The following PRPF8 variants were observed in gnomAD, a reference collection of about 807,000 sequenced individuals.
The protein encoded by PRPF8 is pre-mRNA-processing-splicing factor 8.
PRPF8 carries 64 observed loss-of-function variants against 285.9 expected under a neutral mutation model. The ratio of observed to expected loss-of-function variants is 0.22; its 90% CI spans 0.18 to 0.28. The LOEUF (loss-of-function observed/expected upper bound fraction) is 0.28. Among genes scored for constraint, PRPF8 ranks in the 10% least tolerant of loss-of-function variants. The pLI, the probability that PRPF8 is intolerant of heterozygous loss-of-function variation, is 1.00. For missense variants in PRPF8, 1,426 were observed against 3,026.7 expected, an observed-to-expected ratio of 0.47 and a Z score of 12.41; for synonymous variants, 1,325 against 1,118.2, an observed-to-expected ratio of 1.18 and a Z score of -3.69.
intron 24 of PRPF8, among the ~76,000 whole-genome samples, chr17:1,672,109 T>C (rs1394625717): frequency 6.6e-6 from 1 of 152,196 alleles, no homozygotes; most frequent in African/African-American, 2.4e-5. Flanking sequence ...TCAACCGTAA[T>C]GCAATAGTTC....
intron 12 of PRPF8, 31 bp downstream of exon 12, chr17:1,678,731 C>A: frequency 2.5e-6 from 4 of 1,614,106 alleles, no homozygotes; most frequent in Non-Finnish European, 3.4e-6. Context: ...GCGTCCTCAC[C>A]CAGGCAGGGG....
In PRPF8 at chr17:1,651,982, A is replaced by AC. The variant is rs535616618; in HGVS notation, c.6370-195dup. The AC allele has an allele frequency of 8.8e-5, 62 of 704,358 alleles. No individual in the cohort carries two copies. The highest frequency in any genetic ancestry group is 1.4e-4 in the Non-Finnish European group (58 of 405,284). The allele number at this position is 704,358 out of a possible 1,614,324, so 43.6% of individuals were successfully genotyped here. A position where few individuals can be genotyped will look rare whatever the true frequency, so the allele number is the denominator to read the frequency against. ...ACATGGACCTCATCGCGGACTTACC[A>AC]CATCAGAATCTCCTGAGTGGGGTCC... On this transcript the variant is annotated intron_variant, in intron 39 of 42. Coordinates refer to ENST00000304992, the MANE Select transcript of PRPF8 (RefSeq NM_006445.4). This position sits in a 1 kb window ranked among gnomAD's most constrained non-coding sequence, Gnocchi z 5.1.
At chr17:1,684,308 T>G (rs1284814528) in intron 2 of PRPF8, among the ~76,000 whole-genome samples, 164 bp downstream of exon 2, 1 of 152,236 alleles carries the variant, frequency 6.6e-6, no homozygotes, top group Non-Finnish European at 1.5e-5. Context: ...GATCAGCGCT[T>G]GCAAATAATA....
intron 34 of PRPF8, 89 bp from the exon 35 acceptor site, chr17:1,656,850 A>C: frequency 8.6e-7 from 1 of 1,164,812 alleles, no homozygotes; most frequent in Non-Finnish European, 1.2e-6. Flanking sequence ...AAATAATCCA[A>C]CTACGTTTCT....
chr17:1,670,323 G>A lies in PRPF8; in HGVS notation c.3774+2758C>T, dbSNP rs1038426061. Among the ~76,000 whole-genome samples the A allele has an allele frequency of 4.6e-5, 7 of 152,096 alleles. No homozygotes were observed. The East Asian group carries it at 7.7e-4, about 17-fold the overall frequency. ...TGTTCATGTGGTCTTCCAGTTGGTG[G>A]CACTAACACCCACCTAGTCACCCAT... On this transcript the variant is annotated intron_variant, in intron 24 of 42. Transcript: ENST00000304992.
At chr17:1,665,991 G>A (rs977670782) in intron 24 of PRPF8, among the ~76,000 whole-genome samples, 1 of 34,596 alleles carries the variant, frequency 2.9e-5, no homozygotes, top group Non-Finnish European at 4.4e-5. Flanking sequence ...GTGAAACCGC[G>A]TCGTAGTAAA....
Position 1,659,536 on chromosome 17 carries a change from G to A in PRPF8, c.4959C>T (p.Asp1653=). 2 of 1,614,050 alleles carry A rather than the reference G, an allele frequency of 1.2e-6. No homozygotes were observed. Among genetic ancestry groups the A allele is most frequent in the Non-Finnish European group, 1.7e-6 (2 of 1,180,010 alleles). ...SLLADSKDVM[D]STTTQKYWID... The stretch of plus-strand genomic sequence containing the variant: ...TCCAGTATTTCTGGGTGGTGGTGCT[G>A]TCCATCACATCCCTGAGGATGAAGA... The change falls in exon 32 of 43, where the codon GAC becomes GAT. Residue 1653 remains aspartate, a synonymous_variant. Transcript: ENST00000304992. The surrounding 1 kb of genome is among the most constrained non-coding windows in gnomAD (Gnocchi z 5.1).
intron 24 of PRPF8, among the ~76,000 whole-genome samples, chr17:1,665,679 T>A (rs770831063): frequency 1.4e-4 from 21 of 151,544 alleles, no homozygotes; most frequent in Admixed American, 1.3e-3. Flanking sequence ...CTGTCTCTAC[T>A]AAAAACACAC....
intron 3 of PRPF8, 38 bp from the exon 4 acceptor site, chr17:1,682,331 C>T (rs754952052): frequency 2.5e-6 from 4 of 1,604,716 alleles, no homozygotes; most frequent in East Asian, 2.2e-5. Context: ...TCAGAAATGA[C>T]GAGGTGTTCT....
chr17:1,659,401 G>A lies in PRPF8; in HGVS notation c.5094C>T (p.Pro1698=). The A allele has an allele frequency of 1.2e-6, 2 of 1,614,108 alleles. No individual in the cohort carries two copies. The highest frequency in any genetic ancestry group is 1.7e-6 in the Non-Finnish European group (2 of 1,180,030). Residue 1698 remains proline, a synonymous_variant, in exon 32 of 43, where the codon CCC becomes CCT. Transcript: ENST00000304992. The surrounding 1 kb of genome is among the most constrained non-coding windows in gnomAD (Gnocchi z 5.1). ...GGTCAATGGCGATGAGTACACCTGTGGGCGAAGGGTAGATACTCATGTTGT... is the reference window on the plus strand; with the variant it reads ...GGTCAATGGCGATGAGTACACCTGTAGGCGAAGGGTAGATACTCATGTTGT... ...TTDNMSIYPS[P]TGVLIAIDLA...
At chr17:1,657,510 G>A (rs368046130) in intron 34 of PRPF8, among the ~76,000 whole-genome samples, 7 of 151,774 alleles carry the variant, frequency 4.6e-5, no homozygotes, top group South Asian at 2.1e-4. Context: ...GCCGGGCGTG[G>A]TGGCGGGCAC....
intron 8 of PRPF8, among the ~76,000 whole-genome samples, chr17:1,680,011 C>A (rs1912819569): frequency 6.6e-6 from 1 of 152,146 alleles, no homozygotes; most frequent in African/African-American, 2.4e-5. Flanking sequence ...ACTTCTCACA[C>A]CTCAACTGGC....
intron 5 of PRPF8, 26 bp downstream of exon 5, chr17:1,681,794 G>C (rs200057106): frequency 6.2e-7 from 1 of 1,612,680 alleles, no homozygotes; most frequent in Non-Finnish European, 8.5e-7. Flanking sequence ...CTCCTCCCAG[G>C]TGTAGTATCT....
In PRPF8 at chr17:1,659,739, T is replaced by G; in HGVS notation, c.4946+102A>C. ...TCCAAGCGTAGCACTGGCTCCAAGT[T>G]TGAAACAAAGGCAGACAGGACAATT... On this transcript the variant is annotated intron_variant, in intron 31 of 42. Coordinates refer to ENST00000304992, the MANE Select transcript of PRPF8 (RefSeq NM_006445.4). The surrounding 1 kb of genome is among the most constrained non-coding windows in gnomAD (Gnocchi z 5.1). 1.3e-6 allele frequency: 2 copies of G among 1,487,020 alleles called. No individual in the cohort carries two copies. Among genetic ancestry groups the G allele is most frequent in the South Asian group, 1.2e-5 (1 of 84,942 alleles). 92.1% of individuals were successfully genotyped at this position (1,487,020 alleles called of 1,614,324 possible).
At position 1,673,031 on chromosome 17, in the gene PRPF8, G is replaced by A. The variant is rs749147561; in HGVS notation, c.3774+50C>T. The A allele has an allele frequency of 3.3e-6, 5 of 1,524,006 alleles. No individual in the cohort carries two copies. The highest frequency in any genetic ancestry group is 2.7e-5 in the African/African-American group (2 of 73,320). 94.4% of individuals were successfully genotyped at this position (1,524,006 alleles called of 1,614,324 possible). On this transcript the variant is annotated intron_variant, in intron 24 of 42. Coordinates refer to ENST00000304992, the MANE Select transcript of PRPF8 (RefSeq NM_006445.4). This position sits in a 1 kb window ranked among gnomAD's most constrained non-coding sequence, Gnocchi z 5.5. ...ACGAAGTGAAAGGGGTGTGAAATGA[G>A]CAGAGGACAGCAGAGGACAAGAGGG...
rs528749357 is a variant in PRPF8 at position 1,672,237 on chromosome 17, C to T, written c.3774+844G>A. ...TCGGAATGCAAGAAAAATGTTATAGCTAAGAGTTACTCTAATGGAAACCAG... is the reference window on the plus strand; with the variant it reads ...TCGGAATGCAAGAAAAATGTTATAGTTAAGAGTTACTCTAATGGAAACCAG... On this transcript the variant is annotated intron_variant, in intron 24 of 42. Coordinates refer to ENST00000304992, the MANE Select transcript of PRPF8 (RefSeq NM_006445.4). 9.2e-5 allele frequency among the ~76,000 whole-genome samples: 14 copies of T among 152,270 alleles called. No individual in the cohort carries two copies. In the South Asian group the frequency reaches 2.5e-3, roughly 27 times the overall value.
In PRPF8 at chr17:1,673,830, T is replaced by C. The variant is rs970800236; in HGVS notation, c.3362A>G (p.Asn1121Ser). 1 of 1,614,164 alleles carries C rather than the reference T, an allele frequency of 6.2e-7. No homozygotes were observed. Among genetic ancestry groups the C allele is most frequent in the Non-Finnish European group, 8.5e-7 (1 of 1,180,040 alleles). The change falls in exon 22 of 43, where the codon AAT becomes AGT. Residue 1121 changes from asparagine (N) to serine (S), a missense_variant. By Grantham distance (46) the Asn-to-Ser change is conservative. Around this residue, in one of 34 missense-constraint regions of PRPF8, gnomAD observed 148 missense variants for 196.2 expected, o/e 0.75. Coordinates refer to ENST00000304992, the MANE Select transcript of PRPF8 (RefSeq NM_006445.4). The surrounding 1 kb of genome is among the most constrained non-coding windows in gnomAD (Gnocchi z 5.5). ...ATTATAGCCAACGATGTTTTCATTA[T>C]TGGGGTCAGGGTGCTCTGTCAGGTA... Reference protein sequence around the residue: ...QRYLTEHPDPNNENIVGYNNK... With the variant: ...QRYLTEHPDPSNENIVGYNNK...
Position 1,676,089 on chromosome 17 carries a change from C to T in PRPF8, c.2553-35G>A. 1 of 1,612,380 alleles carries T rather than the reference C, an allele frequency of 6.2e-7. No homozygotes were observed. Among genetic ancestry groups the T allele is most frequent in the South Asian group, 1.1e-5 (1 of 90,998 alleles). On this transcript the variant is annotated intron_variant, in intron 17 of 42. Coordinates refer to ENST00000304992, the MANE Select transcript of PRPF8 (RefSeq NM_006445.4). The surrounding 1 kb of genome is among the most constrained non-coding windows in gnomAD (Gnocchi z 6.3). ...GCAATGGGAAGGGTGAATGGGAAAA[C>T]TAGGAGGAAGTAAAACCAGGAAAGA...
chr17:1,683,287 G>A (rs1245102852), intron 3 of PRPF8: 7 of 554,974 alleles, frequency 1.3e-5, no homozygotes, highest in South Asian at 4.0e-5. Flanking sequence ...GAGCCACCGC[G>A]CCTGGCCAGG....
Sources: allele counts gnomAD v4.1 joint callset (sites outside exome capture counted in the v4.1 genomes callset), GRCh38; gene constraint gnomAD v4.1.1; regional missense constraint gnomAD v4.1.1; non-coding constraint Gnocchi (gnomAD v3.1); transcripts MANE v1.5; gene names NCBI Gene and HGNC (gene_info 2026-07-23, HGNC 2026-07-21).